The following IPO11 variants were observed in gnomAD, a reference collection of about 807,000 sequenced individuals.
The protein encoded by IPO11 is importin-11.
IPO11 carries 66 observed loss-of-function variants against 143.2 expected under a neutral mutation model. The ratio of observed to expected loss-of-function variants is 0.46; its 90% CI spans 0.38 to 0.57. IPO11 has a LOEUF of 0.57. Ranked by LOEUF, IPO11 falls within the 20% of genes least tolerant of loss-of-function variation. The pLI is 0.00. For synonymous variants in IPO11, 385 were observed against 377.8 expected, an observed-to-expected ratio of 1.02 and a Z score of -0.22; for missense variants, 1,026 against 1,141.0, an observed-to-expected ratio of 0.90 and a Z score of 1.45.
intron 5 of IPO11, among the ~76,000 whole-genome samples, chr5:62,459,489 T>C (rs559782827): frequency 6.6e-6 from 1 of 152,256 alleles, no homozygotes; most frequent in Non-Finnish European, 1.5e-5. Context: ...AGCTTCTGGC[T>C]TGATACATTT....
At chr5:62,419,603 A>G (rs1425720322) in intron 1 of IPO11, among the ~76,000 whole-genome samples, 2 of 152,186 alleles carry the variant, frequency 1.3e-5, no homozygotes, top group Non-Finnish European at 1.5e-5. Context: ...TATGATAGCA[A>G]TGACTTCTTC....
chr5:62,550,321 G>A, intron 24 of IPO11, 46 bp from the exon 25 acceptor site: 2 of 1,380,410 alleles, frequency 1.4e-6, no homozygotes, highest in Non-Finnish European at 2.0e-6. Flanking sequence ...TTTTCATAAA[G>A]CAATGACTTG....
rs542165080 is a variant in IPO11, at chr5:62,524,481, G to A, written c.1897-1661G>A. 3.3e-5 allele frequency among the ~76,000 whole-genome samples: 5 copies of A among 152,016 alleles called. No homozygotes were observed. In the East Asian group the frequency reaches 9.7e-4, roughly 29 times the overall value. On this transcript the variant is annotated intron_variant, in intron 20 of 29. Coordinates refer to ENST00000325324, the MANE Select transcript of IPO11 (RefSeq NM_016338.5). ...ACTGATAATCAAAATGAACTTGACT[G>A]TTTTTTTCTTAATATTCTTTCTTTT...
intron 3 of IPO11, among the ~76,000 whole-genome samples, chr5:62,445,704 T>C (rs749774970): frequency 1.3e-5 from 2 of 152,144 alleles, no homozygotes; most frequent in African/African-American, 2.4e-5. Context: ...AGTAGGCAAA[T>C]GTAAGTGTTC....
At chr5:62,512,580 T>TG (rs1741794321) in intron 19 of IPO11, 2 of 549,608 alleles carry the variant, frequency 3.6e-6, no homozygotes, top group Admixed American at 3.3e-5. Flanking sequence ...AGGACTTTTT[T>TG]TTGTTGTTGT....
chr5:62,497,353 T>C (rs940533384), intron 16 of IPO11, among the ~76,000 whole-genome samples: 5 of 152,226 alleles, frequency 3.3e-5, no homozygotes, highest in African/African-American at 7.2e-5. Context: ...CCACATATAT[T>C]TCAAATATTT....
intron 1 of IPO11, among the ~76,000 whole-genome samples, chr5:62,418,166 T>C (rs535328889): frequency 6.6e-6 from 1 of 151,404 alleles, no homozygotes; most frequent in East Asian, 1.9e-4. Flanking sequence ...CTGCCTAGTT[T>C]TTTTTTTTTT....
chr5:62,456,139 G>A (rs1385003578), intron 5 of IPO11, among the ~76,000 whole-genome samples: 1 of 152,060 alleles, frequency 6.6e-6, no homozygotes, highest in African/African-American at 2.4e-5. Context: ...GCACCTCCTA[G>A]TAGCTGGGTT....
At position 62,435,134 on chromosome 5, in the gene IPO11, A is replaced by G. The variant is rs373742628; in HGVS notation, c.-6-2140A>G. On this transcript the variant is annotated intron_variant, in intron 1 of 29. Transcript: ENST00000325324. ...TGTATATATGTATATATGTATATAT[A>G]TGTATATATGTATATATGTATATAT... is the stretch of plus-strand genomic sequence containing the variant. Among the ~76,000 whole-genome samples the G allele has an allele frequency of 5.9e-3, 539 of 91,072 alleles. 16 individuals carry two copies. Among genetic ancestry groups the G allele is most frequent in the East Asian group, 0.013 (40 of 3,146 alleles). 59.7% of individuals were successfully genotyped at this position (91,072 alleles called of 152,430 possible).
At chr5:62,489,993 A>G (rs1269388875) in intron 14 of IPO11, 122 bp from the exon 15 acceptor site, 1 of 451,802 alleles carries the variant, frequency 2.2e-6, no homozygotes, top group Non-Finnish European at 3.9e-6. Context: ...AATTATTTCT[A>G]CTTAAATAAT....
intron 11 of IPO11, among the ~76,000 whole-genome samples, chr5:62,484,519 T>G (rs942417524): frequency 1.4e-4 from 21 of 151,908 alleles, no homozygotes; most frequent in African/African-American, 5.1e-4. Flanking sequence ...TAGAAATTCT[T>G]GCAAAGAAAT....
At chr5:62,558,491 G>A (rs1200875983) in intron 26 of IPO11, among the ~76,000 whole-genome samples, 1 of 152,164 alleles carries the variant, frequency 6.6e-6, no homozygotes, top group African/African-American at 2.4e-5. Flanking sequence ...TAGGTGCAAA[G>A]ATGCTTAAGA....
intron 3 of IPO11, among the ~76,000 whole-genome samples, chr5:62,446,186 C>G (rs1744711763): frequency 6.6e-6 from 1 of 152,214 alleles, no homozygotes; most frequent in Admixed American, 6.5e-5. Context: ...TAATGTATAA[C>G]AGACTTTAAA....
At chr5:62,421,584 A>G (rs990074225) in intron 1 of IPO11, among the ~76,000 whole-genome samples, 3 of 152,218 alleles carry the variant, frequency 2.0e-5, no homozygotes, top group East Asian at 3.8e-4. Context: ...GTGACCTTAG[A>G]GAAGTCAGTT....
chr5:62,490,757 G>T (rs567162155), intron 15 of IPO11, among the ~76,000 whole-genome samples: 1 of 152,080 alleles, frequency 6.6e-6, no homozygotes, highest in South Asian at 2.1e-4. Flanking sequence ...TAGCACATTT[G>T]CCCAATTCTA....
At chr5:62,420,689 C>T (rs1198708249) in intron 1 of IPO11, among the ~76,000 whole-genome samples, 3 of 151,796 alleles carry the variant, frequency 2.0e-5, no homozygotes, top group Non-Finnish European at 4.4e-5. Context: ...AGGTGATTCT[C>T]CCATCTCAGC....
rs1280127344 is a variant in IPO11, at chr5:62,627,263, A to G, written c.2873A>G (p.Glu958Gly). The change falls in exon 30 of 30, where the codon GAA becomes GGA. Residue 958 changes from glutamate (E) to glycine (G), a missense_variant. By Grantham distance (98) the Glu-to-Gly change is moderately conservative. Transcript: ENST00000325324. ...LGEQGFQSLM[E>G]TVDTEIVTQL... ...GAACAAGGTTTCCAGTCCCTCATGG[A>G]AACAGTGGATACGGAGATTGTCACC... The G allele has an allele frequency of 6.2e-7, 1 of 1,614,124 alleles. No homozygotes were observed.
At chr5:62,602,573 G>A in intron 29 of IPO11, among the ~76,000 whole-genome samples, 1 of 151,566 alleles carries the variant, frequency 6.6e-6, no homozygotes, top group Non-Finnish European at 1.5e-5. Flanking sequence ...AATTAAAATG[G>A]TTATGGATAC....
intron 12 of IPO11, among the ~76,000 whole-genome samples, chr5:62,485,850 T>TAAA (rs781614647): frequency 1.6e-5 from 2 of 126,576 alleles, no homozygotes; most frequent in Non-Finnish European, 1.7e-5. Flanking sequence ...ACCCGTCTCT[T>TAAA]AAAAAAAAAA....
Sources: gnomAD v4.1 joint callset for allele counts (sites outside exome capture counted in the v4.1 genomes callset) on GRCh38, gnomAD v4.1.1 for gene constraint, MANE v1.5 for transcripts, NCBI Gene and HGNC (gene_info 2026-07-23, HGNC 2026-07-21) for gene names.